The following NDFIP1 variants were observed in gnomAD, a reference collection of about 807,000 sequenced individuals.
NDFIP1 encodes Nedd4 family interacting protein 1, also known as NEDD4 family-interacting protein 1.
A neutral mutation model predicts 28.8 loss-of-function variants in NDFIP1; 7 were observed. The ratio of observed to expected loss-of-function variants is 0.24; its 90% CI spans 0.14 to 0.46. The LOEUF is 0.46. NDFIP1 is among the 20% of genes least tolerant of loss of function. The pLI is 0.99. For missense variants in NDFIP1, 194 were observed against 269.1 expected, an observed-to-expected ratio of 0.72 and a Z score of 1.95; for synonymous variants, 92 against 101.0, an observed-to-expected ratio of 0.91 and a Z score of 0.53.
Position 142,153,035 on chromosome 5 carries a change from GAATTCCT to G in NDFIP1, c.*1312_*1318del. 2 of 338,206 alleles carry G rather than the reference GAATTCCT, an allele frequency of 5.9e-6. No homozygotes were observed. Among genetic ancestry groups the G allele is most frequent in the East Asian group, 1.5e-4 (2 of 13,148 alleles). 21.0% of individuals were successfully genotyped at this position (338,206 alleles called of 1,614,324 possible). Reference sequence around the variant, plus strand: ...GTTGTAGAGATCTTAAATCATTCTGGAATTCCTAATTATGCTTCAATTTTTAGACATA... The same window carrying G: ...GTTGTAGAGATCTTAAATCATTCTGGAATTATGCTTCAATTTTTAGACATA... On this transcript the variant is annotated 3_prime_UTR_variant, in exon 8 of 8. Coordinates refer to ENST00000253814, the MANE Select transcript of NDFIP1 (RefSeq NM_030571.4).
At chr5:142,117,861 T>A (rs1757085771) in intron 1 of NDFIP1, among the ~76,000 whole-genome samples, 1 of 152,028 alleles carries the variant, frequency 6.6e-6, no homozygotes, top group African/African-American at 2.4e-5. Flanking sequence ...AAATGTTTTT[T>A]AAATAAATCT....
At chr5:142,111,574 C>G (rs1409198492) in intron 1 of NDFIP1, among the ~76,000 whole-genome samples, 2 of 152,162 alleles carry the variant, frequency 1.3e-5, no homozygotes, top group Non-Finnish European at 2.9e-5. Flanking sequence ...GCATGATACT[C>G]TTTGGTTGTC....
intron 1 of NDFIP1, among the ~76,000 whole-genome samples, chr5:142,124,661 T>A (rs1221271209): frequency 6.6e-6 from 1 of 152,230 alleles, no homozygotes; most frequent in Admixed American, 6.5e-5. Context: ...TTCTGATTAC[T>A]TAGTTTTTCC....
intron 6 of NDFIP1, chr5:142,143,555 C>T (rs1006340479): frequency 1.3e-5 from 2 of 152,044 alleles, no homozygotes; most frequent in Non-Finnish European, 2.9e-5. Flanking sequence ...GTGCTAAAGG[C>T]TCAGAGACCA....
intron 1 of NDFIP1, among the ~76,000 whole-genome samples, chr5:142,117,353 C>T (rs1757079278): frequency 6.6e-6 from 1 of 151,566 alleles, no homozygotes; most frequent in African/African-American, 2.4e-5. Context: ...AAGTGATTCT[C>T]CTGCCTCAGT....
At chr5:142,110,898 G>T (rs559785614) in intron 1 of NDFIP1, among the ~76,000 whole-genome samples, 1 of 151,380 alleles carries the variant, frequency 6.6e-6, no homozygotes, top group African/African-American at 2.4e-5. Flanking sequence ...TATGAACCAG[G>T]GTTTGTTCTC....
At chr5:142,142,929 AAAAAAAAAAAAATATAT>A (rs1361030483) in intron 6 of NDFIP1, 41 of 77,400 alleles carry the variant, frequency 5.3e-4, no homozygotes, top group Admixed American at 2.3e-3. Context: ...AAAAAAAAAA[AAAAAAAAAAAAATATAT>A]ATATATATAT....
chr5:142,118,237 C>G lies in NDFIP1; in HGVS notation c.63+9200C>G, dbSNP rs72799907. On this transcript the variant is annotated intron_variant, in intron 1 of 7. Coordinates refer to ENST00000253814, the MANE Select transcript of NDFIP1 (RefSeq NM_030571.4). ...TTTTACCTAATGTCCTTTTTCTGTT[C>G]CAGGATCCCATCCAGGATCCAGGAT... 5.5e-3 allele frequency among the ~76,000 whole-genome samples: 832 copies of G among 152,180 alleles called. 2 individuals are homozygous for G. The highest frequency in any genetic ancestry group is 8.5e-3 in the Non-Finnish European group (577 of 68,006).
rs183997070 is a variant in NDFIP1 at position 142,121,664 on chromosome 5, C to T, written c.64-10144C>T. On this transcript the variant is annotated intron_variant, in intron 1 of 7. Coordinates refer to ENST00000253814, the MANE Select transcript of NDFIP1 (RefSeq NM_030571.4). ...GCTGAGTACTGATGGGGATACCATACCTGCTGTTCTCCTCTCCTGAAACCA... is the reference window on the plus strand; with the variant it reads ...GCTGAGTACTGATGGGGATACCATATCTGCTGTTCTCCTCTCCTGAAACCA... 2.5e-3 allele frequency among the ~76,000 whole-genome samples: 386 copies of T among 152,302 alleles called. 3 individuals carry two copies. Among genetic ancestry groups the T allele is most frequent in the Non-Finnish European group, 4.0e-3 (269 of 68,030 alleles).
intron 1 of NDFIP1, among the ~76,000 whole-genome samples, chr5:142,124,747 A>T (rs1757153421): frequency 6.6e-6 from 1 of 151,620 alleles, no homozygotes; most frequent in Admixed American, 6.6e-5. Flanking sequence ...TCCATGGGAG[A>T]TATTGAGGAT....
intron 5 of NDFIP1, among the ~76,000 whole-genome samples, chr5:142,139,553 C>T (rs1171749795): frequency 1.3e-5 from 2 of 152,160 alleles, no homozygotes; most frequent in Admixed American, 1.3e-4. Context: ...AAATTTTCTA[C>T]CACCTTTAGA....
At chr5:142,112,767 C>T (rs1283378135) in intron 1 of NDFIP1, among the ~76,000 whole-genome samples, 3 of 144,016 alleles carry the variant, frequency 2.1e-5, no homozygotes, top group Admixed American at 7.3e-5. Flanking sequence ...GGCTGGGCGA[C>T]GAAGTGAGAC....
At chr5:142,109,861 G>A (rs1161390921) in intron 1 of NDFIP1, among the ~76,000 whole-genome samples, 4 of 152,202 alleles carry the variant, frequency 2.6e-5, no homozygotes, top group Non-Finnish European at 5.9e-5. Context: ...ACCTTCTGCA[G>A]GGTTTTTGGA....
At chr5:142,117,457 G>A (rs767232807) in intron 1 of NDFIP1, among the ~76,000 whole-genome samples, 2 of 151,492 alleles carry the variant, frequency 1.3e-5, no homozygotes, top group Non-Finnish European at 2.9e-5. Context: ...TGGCCAAGAT[G>A]GTCTCGATCT....
chr5:142,112,035 C>A (rs1596779594), intron 1 of NDFIP1, among the ~76,000 whole-genome samples: 1 of 149,746 alleles, frequency 6.7e-6, no homozygotes, highest in African/African-American at 2.5e-5. Flanking sequence ...CCACTGAACC[C>A]CAGCCTGGGT....
chr5:142,126,311 T>C (rs576135880), intron 1 of NDFIP1, among the ~76,000 whole-genome samples: 2 of 152,220 alleles, frequency 1.3e-5, no homozygotes, highest in Non-Finnish European at 2.9e-5. Flanking sequence ...CAATTAACTC[T>C]AAGATAGAAG....
rs1757369796 is a variant in NDFIP1 at position 142,144,639 on chromosome 5, A to C, written c.631A>C (p.Asn211His). ...KVRKMPETFS[N>H]LPRTRVLFIY is the part of the protein sequence containing the mutation. ...TCGGAAGATGCCAGAAACTTTCTCA[A>C]ATCTCCCCAGGACCAGAGTTCTCTT... Residue 211 changes from asparagine to histidine, a missense_variant, in exon 7 of 8, where the codon AAT (asparagine) becomes CAT (histidine). Coordinates refer to ENST00000253814, the MANE Select transcript of NDFIP1 (RefSeq NM_030571.4). 6.2e-7 allele frequency: 1 copy of C among 1,612,924 alleles called. No individual in the cohort carries two copies.
intron 1 of NDFIP1, among the ~76,000 whole-genome samples, chr5:142,123,563 T>G (rs115899260): frequency 0.016 from 2,393 of 152,356 alleles, 28 homozygotes; most frequent in Middle Eastern, 0.088. Flanking sequence ...TGTGCTTCCA[T>G]GTTTCTATTT....
chr5:142,142,961 A>G (rs1289123413), intron 6 of NDFIP1: 1 of 127,598 alleles, frequency 7.8e-6, no homozygotes, highest in Admixed American at 8.3e-5. Flanking sequence ...ATATATATAT[A>G]TATATATTAA....
Sources: gnomAD v4.1 joint callset for allele counts (sites outside exome capture counted in the v4.1 genomes callset) on GRCh38, gnomAD v4.1.1 for gene constraint, MANE v1.5 for transcripts, NCBI Gene and HGNC (gene_info 2026-07-23, HGNC 2026-07-21) for gene names.